Variants in CSMD1 observed in about 807,000 individuals in gnomAD.
CSMD1 encodes CUB and Sushi multiple domains 1, also known as CUB and sushi domain-containing protein 1.
CSMD1 carries 213 observed loss-of-function variants against 417.5 expected under a neutral mutation model. The observed-to-expected ratio is 0.51, with a 90% confidence interval of 0.46 to 0.57. The LOEUF is 0.57. CSMD1 is among the 20% of genes least tolerant of loss of function. The pLI is 0.00. For synonymous variants in CSMD1, 2,862 were observed against 1,736.8 expected (o/e 1.65, Z -16.11); for missense variants, 6,923 against 4,529.7 (o/e 1.53, Z -15.17).
chr8:3,459,890 G>T lies in CSMD1; in HGVS notation c.1561+8822C>A, dbSNP rs961844677. On this transcript the variant is annotated intron_variant, in intron 12 of 69. Transcript: ENST00000635120. ...TAAGACTTAAAAAAAAACTGGAGTG[G>T]TCCTAAGATTATTGATAAGGGTTAA... Among the ~76,000 whole-genome samples the T allele has an allele frequency of 5.3e-5, 8 of 152,110 alleles. No individual in the cohort carries two copies. The East Asian group carries it at 5.8e-4, about 11-fold the overall frequency.
chr8:3,111,059 C>T (rs1351198896), intron 42 of CSMD1, among the ~76,000 whole-genome samples: 1 of 152,112 alleles, frequency 6.6e-6, no homozygotes, highest in African/African-American at 2.4e-5. Context: ...TATAGTGCAT[C>T]AAAGTCATAA....
intron 3 of CSMD1, among the ~76,000 whole-genome samples, chr8:4,325,825 G>A (rs1018671348): frequency 6.6e-6 from 1 of 152,116 alleles, no homozygotes; most frequent in Non-Finnish European, 1.5e-5. Context: ...GAGAACGACT[G>A]TAGATTAACA....
chr8:2,946,613 T>C (rs1007783823), intron 68 of CSMD1, among the ~76,000 whole-genome samples: 1 of 152,234 alleles, frequency 6.6e-6, no homozygotes, highest in African/African-American at 2.4e-5. Context: ...TGTATGGCTA[T>C]ATTACATATT....
chr8:3,662,615 C>T (rs114494333), intron 7 of CSMD1, among the ~76,000 whole-genome samples: 2,847 of 152,274 alleles, frequency 0.019, 74 homozygotes, highest in East Asian at 0.13. Flanking sequence ...AGAATCTCCA[C>T]ACTGTCTTCC....
At position 3,461,884 on chromosome 8, in the gene CSMD1, A is replaced by T. The variant is rs374995088; in HGVS notation, c.1561+6828T>A. On this transcript the variant is annotated intron_variant, in intron 12 of 69. Coordinates refer to ENST00000635120, the MANE Select transcript of CSMD1 (RefSeq NM_033225.6). ...AGGCCCTGTGAGGACTTGGGTCAGC[A>T]TCGCCCTGCTGCAGAAGCCAACTAG... Among the ~76,000 whole-genome samples the T allele has an allele frequency of 2.8e-3, 428 of 152,344 alleles. 2 individuals carry two copies. The highest frequency in any genetic ancestry group is 9.1e-3 in the African/African-American group (380 of 41,580).
chr8:3,400,821 T>A (rs941800366), intron 15 of CSMD1, among the ~76,000 whole-genome samples: 4 of 151,158 alleles, frequency 2.6e-5, no homozygotes, highest in Non-Finnish European at 3.0e-5. Flanking sequence ...ATATATATAT[T>A]TTTCCCAAAT....
intron 2 of CSMD1, among the ~76,000 whole-genome samples, chr8:4,428,139 G>C (rs914663945): frequency 2.0e-5 from 3 of 152,130 alleles, no homozygotes; most frequent in Non-Finnish European, 4.4e-5. Flanking sequence ...CCTCTCCAAA[G>C]CACCCACCAC....
At chr8:4,649,729 A>G (rs1803765558) in intron 1 of CSMD1, among the ~76,000 whole-genome samples, 1 of 152,266 alleles carries the variant, frequency 6.6e-6, no homozygotes, top group Non-Finnish European at 1.5e-5. Flanking sequence ...GCCGAAGGCT[A>G]AATTCTGTTT....
At chr8:3,665,287 T>C (rs1585040746) in intron 7 of CSMD1, among the ~76,000 whole-genome samples, 2 of 152,248 alleles carry the variant, frequency 1.3e-5, no homozygotes, top group East Asian at 1.9e-4. Context: ...CCCAGCACTT[T>C]AGGAGGCTGA....
chr8:3,482,686 A>C (rs987059989), intron 11 of CSMD1, among the ~76,000 whole-genome samples: 1 of 152,196 alleles, frequency 6.6e-6, no homozygotes, highest in Non-Finnish European at 1.5e-5. Context: ...ATGTTTTTCA[A>C]AGCCCTATGA....
intron 1 of CSMD1, among the ~76,000 whole-genome samples, chr8:4,888,035 A>C: frequency 6.6e-6 from 1 of 152,046 alleles, no homozygotes; most frequent in East Asian, 1.9e-4. Flanking sequence ...TTTGACCCAT[A>C]TATGCCACTT....
intron 17 of CSMD1, among the ~76,000 whole-genome samples, chr8:3,393,352 G>C (rs77880660): frequency 0.059 from 9,001 of 152,218 alleles, 556 homozygotes; most frequent in South Asian, 0.19. Flanking sequence ...CAACAAGGTG[G>C]AAAGAAGAGG....
At chr8:3,704,313 C>A (rs752985486) in intron 7 of CSMD1, among the ~76,000 whole-genome samples, 2 of 152,050 alleles carry the variant, frequency 1.3e-5, no homozygotes, top group South Asian at 4.1e-4. Flanking sequence ...GCGTGATTAG[C>A]GAGCTCCCAG....
chr8:3,990,129 G>C (rs942727323), intron 5 of CSMD1, among the ~76,000 whole-genome samples: 3 of 152,184 alleles, frequency 2.0e-5, no homozygotes, highest in Non-Finnish European at 2.9e-5. Context: ...TTATTTAACA[G>C]CGTTAATTTA....
chr8:3,926,334 T>C (rs1238482441), intron 5 of CSMD1, among the ~76,000 whole-genome samples: 4 of 152,268 alleles, frequency 2.6e-5, no homozygotes, highest in Admixed American at 1.3e-4. Flanking sequence ...TTACACACTA[T>C]TTATTTTATC....
chr8:4,376,701 T>C (rs1185272545), intron 3 of CSMD1, among the ~76,000 whole-genome samples: 2 of 152,234 alleles, frequency 1.3e-5, no homozygotes, highest in African/African-American at 4.8e-5. Context: ...AATTCTTTAA[T>C]CTTTGCAAAC....
intron 10 of CSMD1, among the ~76,000 whole-genome samples, chr8:3,542,164 A>C (rs1436179004): frequency 6.6e-6 from 1 of 152,220 alleles, no homozygotes; most frequent in African/African-American, 2.4e-5. Flanking sequence ...TTATTACAAA[A>C]TACTTCAAAA....
At chr8:4,985,986 C>G (rs1306408964) in intron 1 of CSMD1, among the ~76,000 whole-genome samples, 1 of 152,164 alleles carries the variant, frequency 6.6e-6, no homozygotes, top group Non-Finnish European at 1.5e-5. Flanking sequence ...TTGCCAAGGT[C>G]TCTCTTCTTT....
intron 1 of CSMD1, among the ~76,000 whole-genome samples, chr8:4,912,015 T>A (rs1585313288): frequency 2.6e-5 from 4 of 151,392 alleles, no homozygotes; most frequent in Admixed American, 2.6e-4. Context: ...GTCTTTCTTC[T>A]GTAACCTTTA....
Sources: gnomAD v4.1 joint callset for allele counts (sites outside exome capture counted in the v4.1 genomes callset) on GRCh38, gnomAD v4.1.1 for gene constraint, MANE v1.5 for transcripts, NCBI Gene and HGNC (gene_info 2026-07-23, HGNC 2026-07-21) for gene names.